The following CSMD1 variants were observed in gnomAD, a reference collection of about 807,000 sequenced individuals.
The protein encoded by CSMD1 is CUB and sushi domain-containing protein 1.
A neutral mutation model predicts 417.5 loss-of-function variants in CSMD1; 213 were observed. The ratio of observed to expected loss-of-function variants is 0.51; its 90% confidence interval spans 0.46 to 0.57. The LOEUF is 0.57. Among genes scored for constraint, CSMD1 ranks in the 20% least tolerant of loss-of-function variants. The pLI, the probability that CSMD1 is intolerant of heterozygous loss-of-function variation, is 0.00. For synonymous variants in CSMD1, 2,862 were observed against 1,736.8 expected (o/e 1.65, Z -16.11); for missense variants, 6,923 against 4,529.7 (o/e 1.53, Z -15.17).
At chr8:3,457,992 C>G (rs1166265178) in intron 12 of CSMD1, among the ~76,000 whole-genome samples, 2 of 152,192 alleles carry the variant, frequency 1.3e-5, no homozygotes, top group Non-Finnish European at 2.9e-5. Context: ...GTTAATTTCA[C>G]AAGCTCTTTC....
chr8:4,008,220 T>C (rs1563312539), intron 4 of CSMD1, among the ~76,000 whole-genome samples: 1 of 152,014 alleles, frequency 6.6e-6, no homozygotes, highest in Non-Finnish European at 1.5e-5. Flanking sequence ...TCAAGTTCCA[T>C]CAAGTTCAAG....
At chr8:4,410,303 G>C (rs1455704616) in intron 3 of CSMD1, among the ~76,000 whole-genome samples, 2 of 152,136 alleles carry the variant, frequency 1.3e-5, no homozygotes, top group Non-Finnish European at 2.9e-5. Context: ...TTGAGGTAAT[G>C]AGCGCTTAGT....
chr8:3,495,940 G>A (rs1358347863), intron 10 of CSMD1, among the ~76,000 whole-genome samples: 1 of 152,090 alleles, frequency 6.6e-6, no homozygotes, highest in Non-Finnish European at 1.5e-5. Context: ...TACATGGGCA[G>A]GATGTGCAGG....
chr8:4,729,989 C>T (rs1301529499), intron 1 of CSMD1, among the ~76,000 whole-genome samples: 1 of 152,076 alleles, frequency 6.6e-6, no homozygotes, highest in African/African-American at 2.4e-5. Flanking sequence ...CTTCTCCTCT[C>T]CCGATTCTGA....
intron 3 of CSMD1, among the ~76,000 whole-genome samples, chr8:4,327,903 C>A (rs1348253268): frequency 6.6e-6 from 1 of 152,126 alleles, no homozygotes; most frequent in African/African-American, 2.4e-5. Flanking sequence ...GCTTCCAGGT[C>A]CCTAATTTTC....
At chr8:3,619,380 ATTTT>A (rs5888976) in intron 7 of CSMD1, among the ~76,000 whole-genome samples, 1 of 150,630 alleles carries the variant, frequency 6.6e-6, no homozygotes, top group East Asian at 2.0e-4. Context: ...TCAAATGCTT[ATTTT>A]TTTTTAACAA....
At position 3,888,785 on chromosome 8, in the gene CSMD1, T is replaced by C. The variant is rs1806742712; in HGVS notation, c.818+109118A>G. On this transcript the variant is annotated intron_variant, in intron 5 of 69. Transcript: ENST00000635120. ...CCAAATGGTCCTTCCATTTGGGTCC[T>C]TCCAAATAGCCCTTCTAAAATGAGC... Among the ~76,000 whole-genome samples the C allele has an allele frequency of 3.3e-5, 5 of 152,152 alleles. No individual in the cohort carries two copies. In the South Asian group the frequency reaches 1.0e-3, roughly 32 times the overall value.
intron 1 of CSMD1, among the ~76,000 whole-genome samples, chr8:4,657,884 C>A (rs1011611335): frequency 1.3e-5 from 2 of 151,808 alleles, no homozygotes; most frequent in Non-Finnish European, 2.9e-5. Flanking sequence ...AATGTCACTA[C>A]AGATATAGAA....
chr8:4,877,133 T>G (rs1350032227), intron 1 of CSMD1, among the ~76,000 whole-genome samples: 1 of 152,074 alleles, frequency 6.6e-6, no homozygotes, highest in African/African-American at 2.4e-5. Flanking sequence ...CTTTTTATCA[T>G]GCTCTTTTTC....
rs114521083 is a variant in CSMD1, at chr8:4,165,423, T to C, written c.416-133324A>G. On this transcript the variant is annotated intron_variant, in intron 3 of 69. Transcript: ENST00000635120. ...AGAAAATATAAGCATCATGTTTTGT[T>C]TGAGGTGGTGTCATGCTATGTCGCC... Among the ~76,000 whole-genome samples the C allele has an allele frequency of 8.2e-3, 1,248 of 152,334 alleles. 21 individuals carry two copies. The highest frequency in any genetic ancestry group is 0.029 in the African/African-American group (1,206 of 41,570).
chr8:3,950,340 T>C (rs1446361173), intron 5 of CSMD1, among the ~76,000 whole-genome samples: 1 of 152,220 alleles, frequency 6.6e-6, no homozygotes, highest in Non-Finnish European at 1.5e-5. Flanking sequence ...CATCTGACTC[T>C]AGCTGGTCTG....
At chr8:3,264,529 T>C (rs1801296747) in intron 26 of CSMD1, among the ~76,000 whole-genome samples, 1 of 152,162 alleles carries the variant, frequency 6.6e-6, no homozygotes, top group South Asian at 2.1e-4. Context: ...ACTGAATCAT[T>C]TACCACGTAA....
At chr8:3,327,317 T>G (rs140316519) in intron 23 of CSMD1, among the ~76,000 whole-genome samples, 1 of 152,064 alleles carries the variant, frequency 6.6e-6, no homozygotes, top group African/African-American at 2.4e-5. Flanking sequence ...TAATTTTTTG[T>G]AGAGATGGGG....
intron 54 of CSMD1, among the ~76,000 whole-genome samples, chr8:2,986,196 T>C (rs554888875): frequency 6.6e-6 from 1 of 152,182 alleles, no homozygotes; most frequent in Non-Finnish European, 1.5e-5. Flanking sequence ...TGCGATAATA[T>C]AAACTTTGAA....
At chr8:4,508,446 T>C (rs1189643195) in intron 2 of CSMD1, among the ~76,000 whole-genome samples, 1 of 152,178 alleles carries the variant, frequency 6.6e-6, no homozygotes, top group Non-Finnish European at 1.5e-5. Flanking sequence ...TAGATACCAA[T>C]GAAACAAGTA....
chr8:3,265,810 A>T (rs1165113468), intron 26 of CSMD1, among the ~76,000 whole-genome samples: 2 of 151,914 alleles, frequency 1.3e-5, no homozygotes, highest in Admixed American at 1.3e-4. Context: ...AGTCCTTCAG[A>T]CTAGGGTTTT....
At chr8:3,311,121 T>G (rs1805311320) in intron 23 of CSMD1, among the ~76,000 whole-genome samples, 1 of 152,152 alleles carries the variant, frequency 6.6e-6, no homozygotes, top group Non-Finnish European at 1.5e-5. Flanking sequence ...TGTCTTAAAT[T>G]CACCTAGCTT....
At chr8:3,645,442 C>A (rs968287853) in intron 7 of CSMD1, among the ~76,000 whole-genome samples, 2 of 152,142 alleles carry the variant, frequency 1.3e-5, no homozygotes, top group African/African-American at 2.4e-5. Context: ...AGGGGAAAGA[C>A]AGCAAACCTT....
chr8:3,060,214 C>G (rs62488309), intron 49 of CSMD1, among the ~76,000 whole-genome samples: 37,579 of 149,686 alleles, frequency 0.25, 5,480 homozygotes, highest in East Asian at 0.34. Flanking sequence ...GGTGTGATCT[C>G]AGCTCACTCT....
Sources: gnomAD v4.1 joint callset for allele counts (sites outside exome capture counted in the v4.1 genomes callset) on GRCh38, gnomAD v4.1.1 for gene constraint, MANE v1.5 for transcripts, NCBI Gene and HGNC (gene_info 2026-07-23, HGNC 2026-07-21) for gene names.